ABHD17C: variants seen among roughly 807,000 people sequenced by gnomAD.
The protein encoded by ABHD17C is alpha/beta hydrolase domain-containing protein 17C.
A neutral mutation model predicts 27.9 loss-of-function variants in ABHD17C; 11 were observed. The ratio of observed to expected loss-of-function variants is 0.39; its 90% confidence interval spans 0.25 to 0.65. The LOEUF (loss-of-function observed/expected upper bound fraction) is 0.65, where lower values mean the gene tolerates loss of function less well. Ranked by LOEUF, ABHD17C falls within the 30% of genes least tolerant of loss-of-function variation. The probability of loss-of-function intolerance (pLI) is 0.45; values close to 1 mark genes in which losing one functional copy is unlikely to be tolerated. For missense variants in ABHD17C, 280 were observed against 470.2 expected (o/e 0.60, Z 3.74); for synonymous variants, 233 against 209.1 (o/e 1.11, Z -0.98).
chr15:80,709,086 A>G (rs1202400956), intron 1 of ABHD17C, among the ~76,000 whole-genome samples: 1 of 152,212 alleles, frequency 6.6e-6, no homozygotes, highest in Non-Finnish European at 1.5e-5. Context: ...GTCACTGGGC[A>G]ACTTGCAGTT....
intron 1 of ABHD17C, among the ~76,000 whole-genome samples, chr15:80,713,382 T>TTTTTTTTTC (rs1567032390): frequency 2.1e-5 from 2 of 95,964 alleles, no homozygotes; most frequent in East Asian, 2.3e-4. Flanking sequence ...TTTTTTTTTT[T>TTTTTTTTTC]CAAAATCAGC....
intron 1 of ABHD17C, among the ~76,000 whole-genome samples, chr15:80,727,639 C>T (rs1461151355): frequency 6.6e-6 from 1 of 151,820 alleles, no homozygotes; most frequent in Non-Finnish European, 1.5e-5. Flanking sequence ...GACTGTGAAC[C>T]AATGCTTGTT....
rs553055580 is a variant in ABHD17C at position 80,709,934 on chromosome 15, T to C, written c.590+13915T>C. On this transcript the variant is annotated intron_variant, in intron 1 of 2. Coordinates refer to ENST00000258884, the MANE Select transcript of ABHD17C (RefSeq NM_021214.2). ...AAAACAAGCAAAACCCCTGCTCTTG[T>C]GAAGCTTTGTTTCATAAGTGCCCAT... Among the ~76,000 whole-genome samples the C allele has an allele frequency of 1.5e-4, 23 of 152,318 alleles. No homozygotes were observed. The East Asian group carries it at 4.1e-3, about 27-fold the overall frequency.
At position 80,695,557 on chromosome 15, in the gene ABHD17C, C is replaced by G; in HGVS notation, c.128C>G (p.Thr43Arg). The stretch of plus-strand genomic sequence containing the variant: ...TTCCTGCCGCCCGAGCCCACCTACA[C>G]GGTGCTGGCGCCGGAGCAGCGCGGC... ...LAFLPPEPTY[T>R]VLAPEQRGAG... is the part of the protein sequence containing the mutation. Residue 43 changes from threonine to arginine, a missense_variant, in exon 1 of 3, where the codon ACG (threonine) becomes AGG (arginine). By Grantham distance (71) the Thr-to-Arg change is moderately conservative (BLOSUM62 -1). Coordinates refer to ENST00000258884, the MANE Select transcript of ABHD17C (RefSeq NM_021214.2). The surrounding 1 kb of genome is among the most constrained non-coding windows in gnomAD (Gnocchi z 4.3). 3 of 1,305,890 alleles carry G rather than the reference C, an allele frequency of 2.3e-6. No individual in the cohort carries two copies. Among genetic ancestry groups the G allele is most frequent in the Non-Finnish European group, 3.0e-6 (3 of 1,010,060 alleles). 80.9% of individuals were successfully genotyped at this position (1,305,890 alleles called of 1,614,324 possible). A position where few individuals can be genotyped will look rare whatever the true frequency, so the allele number is the denominator to read the frequency against.
intron 1 of ABHD17C, among the ~76,000 whole-genome samples, chr15:80,738,098 G>C (rs747158629): frequency 6.6e-6 from 1 of 152,108 alleles, no homozygotes. Flanking sequence ...GAAGAAGTCA[G>C]CTGTGGGCAT....
rs574721554 is a variant in ABHD17C at position 80,754,598 on chromosome 15, C to T, written c.*228C>T. 4 of 496,550 alleles carry T rather than the reference C, an allele frequency of 8.1e-6. No homozygotes were observed. The East Asian group carries it at 1.3e-4, about 17-fold the overall frequency. The allele number at this position is 496,550 out of a possible 1,614,324, so 30.8% of individuals were successfully genotyped here. A position where few individuals can be genotyped will look rare whatever the true frequency, so the allele number is the denominator to read the frequency against. On this transcript the variant is annotated 3_prime_UTR_variant, in exon 3 of 3. Transcript: ENST00000258884. Reference sequence around the variant, plus strand: ...CAGTCGTGATTCCCAGCTTCATTACCTTGCAGGAATGGGAATGAGAGCTGA... The same window carrying T: ...CAGTCGTGATTCCCAGCTTCATTACTTTGCAGGAATGGGAATGAGAGCTGA...
intron 1 of ABHD17C, among the ~76,000 whole-genome samples, chr15:80,704,037 G>T (rs974709345): frequency 6.6e-6 from 1 of 152,218 alleles, no homozygotes; most frequent in Non-Finnish European, 1.5e-5. Context: ...CTCTCACAGA[G>T]TATCTTGTTC....
chr15:80,745,516 C>T lies in ABHD17C; in HGVS notation c.591-3997C>T, dbSNP rs566268794. On this transcript the variant is annotated intron_variant, in intron 1 of 2. Transcript: ENST00000258884. ...CCCAAGTAGTTTGGACTACAGGGGA[C>T]GCCACTTTGCCCAGCTAATTTTTTT... is the stretch of plus-strand genomic sequence containing the variant. Among the ~76,000 whole-genome samples, 64 of 151,960 alleles carry T rather than the reference C, an allele frequency of 4.2e-4. 1 individual carries two copies. The highest frequency in any genetic ancestry group is 6.2e-4 in the Non-Finnish European group (42 of 67,994).
intron 1 of ABHD17C, among the ~76,000 whole-genome samples, chr15:80,719,582 A>G (rs957060709): frequency 2.0e-5 from 3 of 152,228 alleles, no homozygotes; most frequent in Admixed American, 2.0e-4. Context: ...AAATATCATT[A>G]CTATGGGGAT....
At chr15:80,746,468 TG>T (rs1486810538) in intron 1 of ABHD17C, among the ~76,000 whole-genome samples, 2 of 152,122 alleles carry the variant, frequency 1.3e-5, no homozygotes, top group Non-Finnish European at 2.9e-5. Flanking sequence ...AGTGCTTTTT[TG>T]TGTTTTACCT....
intron 1 of ABHD17C, among the ~76,000 whole-genome samples, chr15:80,722,002 T>G (rs1894903561): frequency 6.6e-6 from 1 of 152,198 alleles, no homozygotes; most frequent in Admixed American, 6.5e-5. Flanking sequence ...ATAATTTACC[T>G]ATTTTTAGTT....
chr15:80,749,753 C>T (rs1254579867), intron 2 of ABHD17C, 61 bp downstream of exon 2: 11 of 1,528,762 alleles, frequency 7.2e-6, no homozygotes, highest in Non-Finnish European at 9.9e-6. Context: ...ATATCTGATG[C>T]TCCCATAAAT....
chr15:80,728,570 T>G (rs1485098244), intron 1 of ABHD17C, among the ~76,000 whole-genome samples: 3 of 152,234 alleles, frequency 2.0e-5, no homozygotes, highest in Non-Finnish European at 1.5e-5. Flanking sequence ...CCTATGGGCA[T>G]TTTTATTGGG....
At chr15:80,698,807 C>G (rs1344013514) in intron 1 of ABHD17C, among the ~76,000 whole-genome samples, 1 of 152,232 alleles carries the variant, frequency 6.6e-6, no homozygotes, top group South Asian at 2.1e-4. Flanking sequence ...GGGTCAGACT[C>G]TGTTTTCCAC....
At chr15:80,730,398 C>A (rs1277909183) in intron 1 of ABHD17C, among the ~76,000 whole-genome samples, 1 of 152,154 alleles carries the variant, frequency 6.6e-6, no homozygotes, top group Non-Finnish European at 1.5e-5. Flanking sequence ...TCCTCTCCAC[C>A]AGGCTCCTTA....
chr15:80,734,665 G>T (rs369960379), intron 1 of ABHD17C, among the ~76,000 whole-genome samples: 1 of 152,100 alleles, frequency 6.6e-6, no homozygotes, highest in Non-Finnish European at 1.5e-5. Context: ...ACAGAGAAAG[G>T]GTATATGGTA....
chr15:80,749,498 C>A lies in ABHD17C; in HGVS notation c.591-15C>A, dbSNP rs780538074. 2.1e-5 allele frequency: 34 copies of A among 1,611,922 alleles called. No individual in the cohort carries two copies. Among genetic ancestry groups the A allele is most frequent in the African/African-American group, 2.7e-5 (2 of 74,868 alleles). ...CATACCTTAGCTAATGGCATACAAC[C>A]TCTGATTTCTCCAGGTATGGCGTGA... On this transcript the variant is annotated splice_polypyrimidine_tract_variant and intron_variant, in intron 1 of 2. Transcript: ENST00000258884.
At position 80,696,133 on chromosome 15, in the gene ABHD17C, G is replaced by A. The variant is rs140556647; in HGVS notation, c.590+114G>A. On this transcript the variant is annotated intron_variant, in intron 1 of 2. Transcript: ENST00000258884. Reference sequence around the variant, plus strand: ...AGAGGGGCCCCTCCTCCGGGGCTGAGGGCCAGCGGAGAGCCCCTTGGCCGC... The same window carrying A: ...AGAGGGGCCCCTCCTCCGGGGCTGAAGGCCAGCGGAGAGCCCCTTGGCCGC... 5.7e-4 allele frequency: 640 copies of A among 1,130,756 alleles called. 4 individuals carry two copies. In the East Asian group the frequency reaches 0.015, roughly 26 times the overall value. The allele number at this position is 1,130,756 out of a possible 1,614,324, so 70.0% of individuals were successfully genotyped here.
At chr15:80,701,061 C>T (rs762280899) in intron 1 of ABHD17C, among the ~76,000 whole-genome samples, 6 of 152,134 alleles carry the variant, frequency 3.9e-5, no homozygotes, top group Admixed American at 2.6e-4. Context: ...ATTTTGAATA[C>T]GTAACTATGA....
Sources: allele counts gnomAD v4.1 joint callset (sites outside exome capture counted in the v4.1 genomes callset), GRCh38; gene constraint gnomAD v4.1.1; non-coding constraint Gnocchi (gnomAD v3.1); transcripts MANE v1.5; gene names NCBI Gene and HGNC (gene_info 2026-07-23, HGNC 2026-07-21).